The following C12orf42 variants were observed in gnomAD, a reference collection of about 807,000 sequenced individuals.
C12orf42 encodes the protein chromosome 12 open reading frame 42, also known as uncharacterized protein C12orf42.
In C12orf42, 25 loss-of-function variants were observed where a neutral mutation model predicts 21.6. The observed-to-expected ratio is 1.16, with a 90% CI of 0.84 to 1.62. The LOEUF (loss-of-function observed/expected upper bound fraction) is 1.62. Among genes scored for constraint, C12orf42 ranks in the 40% most tolerant of loss-of-function variants. The probability of loss-of-function intolerance (pLI) is 0.00; values close to 1 mark genes in which losing one functional copy is unlikely to be tolerated. For synonymous variants in C12orf42, 174 were observed against 175.0 expected, an observed-to-expected ratio of 0.99 and a Z score of 0.05; for missense variants, 483 against 459.3, an observed-to-expected ratio of 1.05 and a Z score of -0.47.
chr12:103,419,925 C>T (rs1295489473), intron 2 of C12orf42, among the ~76,000 whole-genome samples: 1 of 152,110 alleles, frequency 6.6e-6, no homozygotes, highest in Non-Finnish European at 1.5e-5. Flanking sequence ...CAAAAAAATT[C>T]CACAACTGTG....
intron 2 of C12orf42, among the ~76,000 whole-genome samples, chr12:103,444,652 T>C (rs7958520): frequency 0.78 from 117,890 of 151,962 alleles, 46,199 homozygotes; most frequent in Admixed American, 0.86. Flanking sequence ...TTCTGAAAGA[T>C]GTGTCTTGAA....
At chr12:103,511,986 T>A in the C12orf42 span, among the ~76,000 whole-genome samples, 12 of 152,126 alleles carry the variant, frequency 7.9e-5, no homozygotes, top group East Asian at 2.3e-3. Context: ...TCTAATCCAC[T>A]CTCCCTAGAA....
At chr12:103,409,055 T>G (rs941774240) in intron 2 of C12orf42, among the ~76,000 whole-genome samples, 3 of 152,184 alleles carry the variant, frequency 2.0e-5, no homozygotes, top group Non-Finnish European at 4.4e-5. Flanking sequence ...TTTATCATGG[T>G]TACCATTTCA....
chr12:103,167,436 T>A, the C12orf42 span, among the ~76,000 whole-genome samples: 2 of 152,180 alleles, frequency 1.3e-5, no homozygotes, highest in Non-Finnish European at 2.9e-5. Flanking sequence ...GCTACAAATC[T>A]CTAGTCCTTG....
downstream of C12orf42, among the ~76,000 whole-genome samples, chr12:103,233,033 C>G (rs535409663): frequency 4.6e-5 from 7 of 152,178 alleles, no homozygotes; most frequent in Non-Finnish European, 7.3e-5. Flanking sequence ...CAATCCTGCT[C>G]TTCTAGCAAC....
chr12:103,141,501 A>C, the C12orf42 span, among the ~76,000 whole-genome samples: 1 of 151,656 alleles, frequency 6.6e-6, no homozygotes, highest in Admixed American at 6.6e-5. Flanking sequence ...GGATTGATGA[A>C]TGGATAAAGG....
chr12:103,388,126 G>C (rs1330125327), intron 3 of C12orf42, among the ~76,000 whole-genome samples: 1 of 152,208 alleles, frequency 6.6e-6, no homozygotes, highest in African/African-American at 2.4e-5. Flanking sequence ...TGCCCCTCCA[G>C]CGTGGAGCTT....
chr12:103,264,934 A>G (rs1054489217), downstream of C12orf42, among the ~76,000 whole-genome samples: 2 of 151,784 alleles, frequency 1.3e-5, no homozygotes, highest in Admixed American at 6.6e-5. Flanking sequence ...GTCAGTTTAG[A>G]CTCCTATAGC....
At chr12:103,201,224 T>C in the C12orf42 span, among the ~76,000 whole-genome samples, 1 of 152,200 alleles carries the variant, frequency 6.6e-6, no homozygotes, top group Admixed American at 6.5e-5. Context: ...CTCATTGATT[T>C]GCTGAGCATA....
intron 2 of C12orf42, among the ~76,000 whole-genome samples, chr12:103,440,124 T>C (rs1951082812): frequency 6.9e-6 from 1 of 143,946 alleles, no homozygotes; most frequent in Non-Finnish European, 1.5e-5. Flanking sequence ...TGGATGAAAT[T>C]GGAAATCATC....
intron 4 of C12orf42, among the ~76,000 whole-genome samples, chr12:103,311,027 C>A (rs1007263568): frequency 1.3e-5 from 2 of 152,080 alleles, no homozygotes; most frequent in African/African-American, 4.8e-5. Context: ...TTGAAAGAGA[C>A]CTTAAAGGTC....
At chr12:103,118,246 C>T in the C12orf42 span, among the ~76,000 whole-genome samples, 25 of 152,194 alleles carry the variant, frequency 1.6e-4, 1 homozygote, top group African/African-American at 5.3e-4. Context: ...ATCTCCGGTG[C>T]CTGGTACACA....
At chr12:103,155,720 G>GTA in the C12orf42 span, among the ~76,000 whole-genome samples, 1 of 86,254 alleles carries the variant, frequency 1.2e-5, no homozygotes. Flanking sequence ...ACATATACAA[G>GTA]TGTATATATA....
chr12:103,120,694 A>G, the C12orf42 span, among the ~76,000 whole-genome samples: 42 of 150,428 alleles, frequency 2.8e-4, no homozygotes, highest in Non-Finnish European at 4.3e-4. Flanking sequence ...TATGATTACT[A>G]TGATTATTAT....
downstream of C12orf42, among the ~76,000 whole-genome samples, chr12:103,237,314 G>T (rs550296535): frequency 6.6e-6 from 1 of 152,212 alleles, no homozygotes; most frequent in South Asian, 2.1e-4. Flanking sequence ...TGGAAATGAA[G>T]AGGGGGATAT....
At chr12:103,164,894 C>T in the C12orf42 span, 2 of 277,854 alleles carry the variant, frequency 7.2e-6, no homozygotes, top group South Asian at 3.5e-5. Flanking sequence ...ATAAAATATG[C>T]TCAGAGTTGA....
intron 2 of C12orf42, among the ~76,000 whole-genome samples, chr12:103,448,025 C>T (rs1193710957): frequency 6.6e-6 from 1 of 151,970 alleles, no homozygotes; most frequent in Non-Finnish European, 1.5e-5. Flanking sequence ...GGAGGCATCA[C>T]ATTACCCAAC....
At chr12:103,364,929 G>C (rs2044463892) in intron 4 of C12orf42, among the ~76,000 whole-genome samples, 1 of 151,970 alleles carries the variant, frequency 6.6e-6, no homozygotes, top group Admixed American at 6.6e-5. Flanking sequence ...CAATCCTATT[G>C]ACAGTATTCC....
At chr12:103,090,895 G>A in the C12orf42 span, among the ~76,000 whole-genome samples, 1 of 151,940 alleles carries the variant, frequency 6.6e-6, no homozygotes, top group Non-Finnish European at 1.5e-5. Context: ...GAGAGGGAGG[G>A]CTCTTCATGA....
Sources: gnomAD v4.1 joint callset for allele counts (sites outside exome capture counted in the v4.1 genomes callset) on GRCh38, gnomAD v4.1.1 for gene constraint, MANE v1.5 for transcripts, NCBI Gene and HGNC (gene_info 2026-07-23, HGNC 2026-07-21) for gene names.